ADGRL2: variants seen among roughly 807,000 people sequenced by gnomAD.
ADGRL2 encodes the protein adhesion G protein-coupled receptor L2, also known as calcium-independent alpha-latrotoxin receptor 2.
In ADGRL2, 44 loss-of-function variants were observed where a neutral mutation model predicts 157.4. The observed-to-expected ratio is 0.28, with a 90% CI of 0.22 to 0.36. The LOEUF (loss-of-function observed/expected upper bound fraction) is 0.36, where lower values mean the gene tolerates loss of function less well. ADGRL2 is among the 10% of genes least tolerant of loss of function. The pLI, the probability that ADGRL2 is intolerant of heterozygous loss-of-function variation, is 1.00. For missense variants in ADGRL2, 1,510 were observed against 1,768.9 expected (o/e 0.85, Z 2.63); for synonymous variants, 585 against 624.7 (o/e 0.94, Z 0.95).
At chr1:81,726,959 TTTACA>T (rs1445319260) in intron 1 of ADGRL2, among the ~76,000 whole-genome samples, 3 of 152,190 alleles carry the variant, frequency 2.0e-5, no homozygotes, top group Non-Finnish European at 4.4e-5. Flanking sequence ...TGGAACCAAG[TTTACA>T]TTAAATTTCA....
chr1:81,390,616 T>G (rs994182849), intron 1 of ADGRL2, among the ~76,000 whole-genome samples: 28 of 152,170 alleles, frequency 1.8e-4, no homozygotes, highest in Non-Finnish European at 3.5e-4. Context: ...CTTCCAGAAT[T>G]TTTCCATACC....
chr1:81,427,925 G>A (rs1479318230), intron 1 of ADGRL2, among the ~76,000 whole-genome samples: 1 of 151,830 alleles, frequency 6.6e-6, no homozygotes, highest in East Asian at 1.9e-4. Context: ...CATTTCATCA[G>A]GTATATTGCC....
At position 81,845,108 on chromosome 1, in the gene ADGRL2, C is replaced by T. The variant is rs1167333616; in HGVS notation, c.73+8051C>T. Among the ~76,000 whole-genome samples the T allele has an allele frequency of 3.9e-5, 6 of 152,094 alleles. No homozygotes were observed. In the East Asian group the frequency reaches 1.2e-3, roughly 29 times the overall value. ...ATAAATACAAAATTAGGTTATTCAT[C>T]TACATATACTCTTATATTCATATTT... is the stretch of plus-strand genomic sequence containing the variant. On this transcript the variant is annotated intron_variant, in intron 2 of 23. Transcript: ENST00000686636.
At chr1:81,606,036 C>A (rs941705166) in intron 3 of ADGRL2, among the ~76,000 whole-genome samples, 13 of 152,212 alleles carry the variant, frequency 8.5e-5, no homozygotes, top group Admixed American at 3.3e-4. Context: ...TTAACAAGTA[C>A]TACACTGTAC....
intron 2 of ADGRL2, among the ~76,000 whole-genome samples, chr1:81,520,959 A>G (rs1380526608): frequency 1.3e-5 from 2 of 152,212 alleles, no homozygotes; most frequent in Non-Finnish European, 2.9e-5. Flanking sequence ...ATTCTAGCCA[A>G]CAGAAAGGAG....
At chr1:81,792,894 A>T (rs2087418258) in intron 2 of ADGRL2, among the ~76,000 whole-genome samples, 1 of 152,160 alleles carries the variant, frequency 6.6e-6, no homozygotes, top group Non-Finnish European at 1.5e-5. Flanking sequence ...CATTTTTAAA[A>T]TTTGTAATTT....
intron 2 of ADGRL2, among the ~76,000 whole-genome samples, chr1:81,842,426 C>T (rs2092627009): frequency 7.4e-6 from 1 of 135,838 alleles, no homozygotes; most frequent in Non-Finnish European, 1.5e-5. Flanking sequence ...GGGATGATCT[C>T]CGCTCACTGA....
intron 2 of ADGRL2, among the ~76,000 whole-genome samples, chr1:81,885,433 G>A (rs1249015670): frequency 1.3e-5 from 2 of 152,162 alleles, no homozygotes; most frequent in African/African-American, 4.8e-5. Context: ...CAGCTGCTAA[G>A]GCCTGCCAAA....
rs1413425194 is a variant in ADGRL2 at position 81,346,674 on chromosome 1, A to G, written c.-302+40165A>G. On this transcript the variant is annotated intron_variant, in intron 1 of 24. Coordinates refer to the ADGRL2 transcript ENST00000370721. The stretch of plus-strand genomic sequence containing the variant: ...TGGCACAATGAGAAGATAGCCATCT[A>G]TAAAGACAAGATGAGAGCTTATACT... Among the ~76,000 whole-genome samples the G allele has an allele frequency of 3.9e-5, 6 of 152,320 alleles. No homozygotes were observed. The South Asian group carries it at 6.2e-4, about 16-fold the overall frequency.
intron 2 of ADGRL2, among the ~76,000 whole-genome samples, chr1:81,786,010 A>AG (rs1444974545): frequency 6.6e-6 from 1 of 151,890 alleles, no homozygotes; most frequent in Non-Finnish European, 1.5e-5. Flanking sequence ...AGGCTAAGGT[A>AG]GGGGGACTGC....
At chr1:81,427,740 A>G (rs2077244746) in intron 1 of ADGRL2, 1 of 378,664 alleles carries the variant, frequency 2.6e-6, no homozygotes, top group Non-Finnish European at 4.9e-6. Flanking sequence ...AGAGGGAACA[A>G]TGATCCATAG....
chr1:81,504,931 A>G (rs2078938806), intron 2 of ADGRL2, among the ~76,000 whole-genome samples: 1 of 152,156 alleles, frequency 6.6e-6, no homozygotes, highest in Non-Finnish European at 1.5e-5. Context: ...CCTGTGCTGT[A>G]AAGAAAATTG....
At chr1:81,765,752 A>G (rs1013963357) in intron 2 of ADGRL2, among the ~76,000 whole-genome samples, 1 of 152,068 alleles carries the variant, frequency 6.6e-6, no homozygotes, top group African/African-American at 2.4e-5. Context: ...AGTAAAACAT[A>G]CTTTATTTCT....
At chr1:81,649,963 G>T (rs2082381321) in intron 3 of ADGRL2, among the ~76,000 whole-genome samples, 1 of 151,938 alleles carries the variant, frequency 6.6e-6, no homozygotes, top group Non-Finnish European at 1.5e-5. Context: ...ATCATGCTGG[G>T]CTAAGGTGAG....
chr1:81,580,812 T>A (rs1204413809), intron 2 of ADGRL2: 3 of 152,184 alleles, frequency 2.0e-5, no homozygotes, highest in Non-Finnish European at 2.9e-5. Context: ...TTTGCCTTTT[T>A]CGAAATTAAA....
intron 3 of ADGRL2, among the ~76,000 whole-genome samples, chr1:81,916,809 A>G (rs2094865298): frequency 6.6e-6 from 1 of 151,950 alleles, no homozygotes. Flanking sequence ...TTTTAAGGAG[A>G]TATCTAAATA....
At chr1:81,455,404 A>G (rs998241693) in intron 2 of ADGRL2, among the ~76,000 whole-genome samples, 8 of 152,220 alleles carry the variant, frequency 5.3e-5, no homozygotes, top group Non-Finnish European at 8.8e-5. Flanking sequence ...GCTGTGTGGC[A>G]CTTGGCAGAT....
At chr1:81,378,796 A>T (rs1263262519) in intron 1 of ADGRL2, among the ~76,000 whole-genome samples, 1 of 152,202 alleles carries the variant, frequency 6.6e-6, no homozygotes. Context: ...AATGGTTGAG[A>T]GTAGTCCCTA....
chr1:81,781,062 CTTAT>C (rs1337825079), intron 2 of ADGRL2, among the ~76,000 whole-genome samples: 3 of 152,234 alleles, frequency 2.0e-5, no homozygotes, highest in East Asian at 1.9e-4. Context: ...TTTTGTTTTA[CTTAT>C]TTATTTATTT....
Sources: gnomAD v4.1 joint callset for allele counts (sites outside exome capture counted in the v4.1 genomes callset) on GRCh38, gnomAD v4.1.1 for gene constraint, MANE v1.5 for transcripts, NCBI Gene and HGNC (gene_info 2026-07-23, HGNC 2026-07-21) for gene names.